Variants in CIZ1 observed in about 807,000 individuals in gnomAD.
CIZ1 encodes the protein CDKN1A interacting zinc finger protein 1.
In CIZ1, 58 loss-of-function variants were observed where a neutral mutation model predicts 118.6. The observed-to-expected ratio is 0.49, with a 90% CI of 0.40 to 0.61. The LOEUF (loss-of-function observed/expected upper bound fraction) is 0.61, where lower values mean the gene tolerates loss of function less well. Ranked by LOEUF, CIZ1 falls within the 20% of genes least tolerant of loss-of-function variation. The pLI, the probability that CIZ1 is intolerant of heterozygous loss-of-function variation, is 0.00. For synonymous variants in CIZ1, 448 were observed against 443.4 expected, an observed-to-expected ratio of 1.01 and a Z score of -0.13; for missense variants, 921 against 1,115.9, an observed-to-expected ratio of 0.83 and a Z score of 2.49.
At position 128,177,643 on chromosome 9, in the gene CIZ1, C is replaced by T. The variant is rs1403560838; in HGVS notation, c.1741G>A (p.Ala581Thr). The change falls in exon 10 of 17, where the codon GCG becomes ACG. Residue 581 changes from alanine (A) to threonine (T), a missense_variant. By Grantham distance (58) the Ala-to-Thr change is moderately conservative. Transcript: ENST00000372938. ...TGCTTAGAGGGAGTGCTGGTAGCCG[C>T]AGGGGTGGAGGAGACGGAGTCACTG... Reference protein sequence around the residue: ...RPSDSVSSTPAATSTPSKQAL... With the variant: ...RPSDSVSSTPTATSTPSKQAL... 1.9e-6 allele frequency: 3 copies of T among 1,586,432 alleles called. No homozygotes were observed. The African/African-American group carries it at 4.0e-5, about 21-fold the overall frequency.
At chr9:128,182,884 A>G (rs1226201484) in intron 5 of CIZ1, among the ~76,000 whole-genome samples, 3 of 151,434 alleles carry the variant, frequency 2.0e-5, no homozygotes, top group Non-Finnish European at 2.9e-5. Flanking sequence ...TTGGCCTTCC[A>G]TAGTGCTGGG....
At position 128,191,503 on chromosome 9, in the gene CIZ1, C is replaced by G. The variant is rs1347161884; in HGVS notation, c.-77G>C. 1 of 1,001,312 alleles carries G rather than the reference C, an allele frequency of 1.0e-6. No individual in the cohort carries two copies. The highest frequency in any genetic ancestry group is 1.7e-5 in the African/African-American group (1 of 57,930). The allele number at this position is 1,001,312 out of a possible 1,614,324, so 62.0% of individuals were successfully genotyped here. The stretch of plus-strand genomic sequence containing the variant: ...GGCCGGCCCCGCAGCCCCCACGCCT[C>G]GGCCGGGCGGCTCCGGCCCGCGGGC... On this transcript the variant is annotated 5_prime_UTR_variant, in exon 1 of 17. Transcript: ENST00000372938. This position sits in a 1 kb window ranked among gnomAD's most constrained non-coding sequence, Gnocchi z 5.5.
At chr9:128,169,878 G>C in intron 12 of CIZ1, 142 bp downstream of exon 12, 1 of 981,078 alleles carries the variant, frequency 1.0e-6, no homozygotes, top group Non-Finnish European at 1.5e-6. Flanking sequence ...AAACAAGACT[G>C]ACTCCTCCAG....
intron 3 of CIZ1, among the ~76,000 whole-genome samples, 157 bp from the exon 4 acceptor site, chr9:128,188,091 T>TAAAAAAAAAAAAA (rs1564294678): frequency 7.4e-5 from 2 of 26,888 alleles, no homozygotes; most frequent in Non-Finnish European, 1.8e-4. Flanking sequence ...AACAAAAAAT[T>TAAAAAAAAAAAAA]AAAAAAAGCA....
At chr9:128,197,171 T>C (rs1001537123) in intron 1 of CIZ1, 7 of 152,194 alleles carry the variant, frequency 4.6e-5, no homozygotes, top group Non-Finnish European at 8.8e-5. Flanking sequence ...ACCCTGCACA[T>C]CGCAGGTTTG....
rs373716656 is a variant in CIZ1, at chr9:128,190,449, G to A, written c.171-5C>T. 4 of 1,601,690 alleles carry A rather than the reference G, an allele frequency of 2.5e-6. No individual in the cohort carries two copies. The highest frequency in any genetic ancestry group is 3.4e-6 in the Non-Finnish European group (4 of 1,170,552). Reference sequence around the variant, plus strand: ...GGCTGCTGCGGGGGGAGCCCCCTGTGTGTTGGGAGGGGGTGTCAGAGGGTT... The same window carrying A: ...GGCTGCTGCGGGGGGAGCCCCCTGTATGTTGGGAGGGGGTGTCAGAGGGTT... On this transcript the variant is annotated splice_polypyrimidine_tract_variant and splice_region_variant and intron_variant, in intron 2 of 16. Transcript: ENST00000372938.
Position 128,179,427 on chromosome 9 carries a change from C to CAA in CIZ1, c.792-14_792-13dup. 2 of 1,525,486 alleles carry CAA rather than the reference C, an allele frequency of 1.3e-6. No homozygotes were observed. Among genetic ancestry groups the CAA allele is most frequent in the Non-Finnish European group, 8.8e-7 (1 of 1,134,166 alleles). 94.5% of individuals were successfully genotyped at this position (1,525,486 alleles called of 1,614,324 possible). On this transcript the variant is annotated splice_polypyrimidine_tract_variant and intron_variant, in intron 7 of 16. Coordinates refer to ENST00000372938, the MANE Select transcript of CIZ1 (RefSeq NM_001131016.2). ...TGGGCTCTTCTGAGCTAGGAAGGATCAAAAAAAAATCCCAGTCATGTCTTC... is the reference window on the plus strand; with the variant it reads ...TGGGCTCTTCTGAGCTAGGAAGGATCAAAAAAAAAAATCCCAGTCATGTCTTC...
At chr9:128,190,614 A>T in intron 2 of CIZ1, 74 bp downstream of exon 2, 3 of 1,508,198 alleles carry the variant, frequency 2.0e-6, no homozygotes. Context: ...GGGAAAAAGG[A>T]TGGGGATCGG....
At position 128,203,727 on chromosome 9, in the gene CIZ1, C is replaced by G; in HGVS notation, c.-6+459G>C. The G allele has an allele frequency of 8.5e-7, 1 of 1,178,228 alleles. No individual in the cohort carries two copies. Among genetic ancestry groups the G allele is most frequent in the Non-Finnish European group, 1.1e-6 (1 of 932,692 alleles). The allele number at this position is 1,178,228 out of a possible 1,614,324, so 73.0% of individuals were successfully genotyped here. On this transcript the variant is annotated intron_variant, in intron 1 of 17. Transcript: ENST00000372948. This position sits in a 1 kb window ranked among gnomAD's most constrained non-coding sequence, Gnocchi z 5.3. ...GACGGCGCGGCGACCTCGCAGCCCC[C>G]GACGCTGCACCCGCGGCCGGCGCGC...
intron 5 of CIZ1, among the ~76,000 whole-genome samples, chr9:128,181,225 C>T (rs913657782): frequency 1.3e-5 from 2 of 152,110 alleles, no homozygotes; most frequent in African/African-American, 4.8e-5. Context: ...AAGCAATTCT[C>T]CTGCCTCAGC....
upstream of CIZ1, among the ~76,000 whole-genome samples, chr9:128,195,470 A>T (rs567732453): frequency 3.3e-5 from 5 of 152,208 alleles, no homozygotes; most frequent in South Asian, 1.0e-3. Flanking sequence ...AGCATGCGCC[A>T]CCACACCCGG....
chr9:128,185,489 A>T, intron 5 of CIZ1, 58 bp downstream of exon 5: 1 of 1,169,592 alleles, frequency 8.5e-7, no homozygotes, highest in Non-Finnish European at 1.2e-6. Flanking sequence ...AGCAGGTGGC[A>T]CTGGGGCTGA....
chr9:128,191,528 C>G lies in CIZ1; in HGVS notation c.-102G>C, dbSNP rs1833152850. On this transcript the variant is annotated 5_prime_UTR_variant, in exon 1 of 17. Coordinates refer to ENST00000372938, the MANE Select transcript of CIZ1 (RefSeq NM_001131016.2). This position sits in a 1 kb window ranked among gnomAD's most constrained non-coding sequence, Gnocchi z 5.5. ...CGGCCGGGCGGCTCCGGCCCGCGGG[C>G]TCCCGGCCTCCCCGCTGCTACTCCG... 1.9e-5 allele frequency: 19 copies of G among 1,020,938 alleles called. No homozygotes were observed. Among genetic ancestry groups the G allele is most frequent in the Non-Finnish European group, 2.2e-5 (19 of 853,102 alleles). The allele number at this position is 1,020,938 out of a possible 1,614,324, so 63.2% of individuals were successfully genotyped here.
intron 14 of CIZ1, among the ~76,000 whole-genome samples, chr9:128,168,022 C>T (rs1053459968): frequency 2.6e-5 from 4 of 152,330 alleles, no homozygotes; most frequent in East Asian, 3.9e-4. Context: ...CAGGCCCCCC[C>T]ACCACAACGC....
In CIZ1 at chr9:128,166,183, G is replaced by A. The variant is rs2130887990; in HGVS notation, c.*14C>T. On this transcript the variant is annotated 3_prime_UTR_variant, in exon 17 of 17. Transcript: ENST00000372938. The surrounding 1 kb of genome is among the most constrained non-coding windows in gnomAD (Gnocchi z 4.4). ...TCTGGACCCAGGCAGGCCAGGGACAGGGAGGTCCCTCTATCAGGTTTTGAG... is the reference window on the plus strand; with the variant it reads ...TCTGGACCCAGGCAGGCCAGGGACAAGGAGGTCCCTCTATCAGGTTTTGAG... 1 of 1,460,682 alleles carries A rather than the reference G, an allele frequency of 6.8e-7. No homozygotes were observed. Among genetic ancestry groups the A allele is most frequent in the East Asian group, 2.4e-5 (1 of 40,942 alleles). 90.5% of individuals were successfully genotyped at this position (1,460,682 alleles called of 1,614,324 possible).
intron 10 of CIZ1, among the ~76,000 whole-genome samples, chr9:128,176,776 A>G (rs1180917115): frequency 6.6e-6 from 1 of 152,202 alleles, no homozygotes; most frequent in African/African-American, 2.4e-5. Context: ...CTCACAGCAC[A>G]AGAGTAGTAA....
rs1445448600 is a variant in CIZ1 at position 128,177,833 on chromosome 9, T to G, written c.1621-70A>C. 2.7e-6 allele frequency: 3 copies of G among 1,103,916 alleles called. No homozygotes were observed. In the African/African-American group the frequency reaches 4.7e-5, roughly 17 times the overall value. 68.4% of individuals were successfully genotyped at this position (1,103,916 alleles called of 1,614,324 possible). ...TAGTGGGCCAGCCCAGCATTCAACA[T>G]CTGCCAACGTTGTCTCATCAGATCT... On this transcript the variant is annotated intron_variant, in intron 9 of 16. Transcript: ENST00000372938.
upstream of CIZ1, among the ~76,000 whole-genome samples, chr9:128,195,225 A>G (rs1833348471): frequency 6.6e-6 from 1 of 152,184 alleles, no homozygotes; most frequent in Non-Finnish European, 1.5e-5. Flanking sequence ...GCCATCAGAA[A>G]TTATGTTTTC....
chr9:128,169,974 T>G, intron 12 of CIZ1, 46 bp downstream of exon 12: 1 of 1,546,940 alleles, frequency 6.5e-7, no homozygotes, highest in Non-Finnish European at 8.9e-7. Context: ...GGACTCCACT[T>G]GCAGACGGCA....
Sources: allele counts gnomAD v4.1 joint callset (sites outside exome capture counted in the v4.1 genomes callset), GRCh38; gene constraint gnomAD v4.1.1; non-coding constraint Gnocchi (gnomAD v3.1); transcripts MANE v1.5; gene names NCBI Gene and HGNC (gene_info 2026-07-23, HGNC 2026-07-21).